Variants in C1QTNF3 observed in about 807,000 individuals in gnomAD.
C1QTNF3 encodes complement C1q tumor necrosis factor-related protein 3.
A neutral mutation model predicts 32.6 loss-of-function variants in C1QTNF3; 26 were observed. That is an observed-to-expected ratio of 0.80 (90% confidence interval 0.58 to 1.11). The LOEUF (loss-of-function observed/expected upper bound fraction) is 1.11, where lower values mean the gene tolerates loss of function less well. Ranked by LOEUF, C1QTNF3 falls within the 50% of genes least tolerant of loss-of-function variation. The probability of loss-of-function intolerance (pLI) is 0.00; values close to 1 mark genes in which losing one functional copy is unlikely to be tolerated. For synonymous variants in C1QTNF3, 155 were observed against 146.0 expected (o/e 1.06, Z -0.44); for missense variants, 362 against 398.2 (o/e 0.91, Z 0.77).
the C1QTNF3 span, among the ~76,000 whole-genome samples, chr5:34,080,554 C>T: frequency 6.6e-6 from 1 of 151,680 alleles, no homozygotes; most frequent in Non-Finnish European, 1.5e-5. Context: ...TTTAACAGGC[C>T]ATCAAGGAGC....
the C1QTNF3 span, among the ~76,000 whole-genome samples, chr5:34,214,019 C>T: frequency 6.7e-6 from 1 of 149,468 alleles, no homozygotes; most frequent in African/African-American, 2.5e-5. Flanking sequence ...CCACGTTGGC[C>T]AGGCTGGTCT....
chr5:34,125,851 T>C, the C1QTNF3 span, among the ~76,000 whole-genome samples: 1 of 152,220 alleles, frequency 6.6e-6, no homozygotes, highest in East Asian at 1.9e-4. Context: ...TTGACTTTAA[T>C]AGTCAATACT....
At chr5:34,075,163 T>G in the C1QTNF3 span, among the ~76,000 whole-genome samples, 2 of 151,772 alleles carry the variant, frequency 1.3e-5, no homozygotes, top group African/African-American at 4.9e-5. Flanking sequence ...AAACAAAAAA[T>G]ACCTTCTCCA....
At chr5:34,098,756 G>A in the C1QTNF3 span, among the ~76,000 whole-genome samples, 2 of 151,876 alleles carry the variant, frequency 1.3e-5, no homozygotes, top group African/African-American at 4.8e-5. Flanking sequence ...TGAGGAGTAT[G>A]TGTTTCACTA....
the C1QTNF3 span, among the ~76,000 whole-genome samples, chr5:34,095,677 T>C: frequency 6.6e-6 from 1 of 151,676 alleles, no homozygotes; most frequent in African/African-American, 2.4e-5. Flanking sequence ...AATCGATACT[T>C]CTTGAATGAC....
At chr5:34,089,605 A>G in the C1QTNF3 span, among the ~76,000 whole-genome samples, 1 of 152,348 alleles carries the variant, frequency 6.6e-6, no homozygotes, top group South Asian at 2.1e-4. Context: ...AACCGTGAGA[A>G]AGAAATTTGT....
At chr5:34,148,095 G>A in the C1QTNF3 span, among the ~76,000 whole-genome samples, 49 of 151,024 alleles carry the variant, frequency 3.2e-4, 1 homozygote, top group East Asian at 5.4e-3. Flanking sequence ...AAGGGGTGAC[G>A]GACGCACCTG....
chr5:34,223,085 T>C, the C1QTNF3 span, among the ~76,000 whole-genome samples: 2 of 151,534 alleles, frequency 1.3e-5, no homozygotes, highest in Non-Finnish European at 2.9e-5. Flanking sequence ...TAGTTACATA[T>C]GTATACATGT....
the C1QTNF3 span, among the ~76,000 whole-genome samples, chr5:34,145,842 G>A: frequency 6.6e-6 from 1 of 151,946 alleles, no homozygotes; most frequent in East Asian, 1.9e-4. Flanking sequence ...ATGCAAAGTT[G>A]TTTCAACCCG....
At chr5:34,096,540 CAAT>C in the C1QTNF3 span, among the ~76,000 whole-genome samples, 3 of 136,054 alleles carry the variant, frequency 2.2e-5, no homozygotes, top group Non-Finnish European at 4.7e-5. Context: ...GCCATAATTA[CAAT>C]AATAATAAAT....
At chr5:34,223,079 T>A in the C1QTNF3 span, among the ~76,000 whole-genome samples, 1 of 151,678 alleles carries the variant, frequency 6.6e-6, no homozygotes, top group Non-Finnish European at 1.5e-5. Context: ...GCAGGTTAGT[T>A]ACATATGTAT....
the C1QTNF3 span, among the ~76,000 whole-genome samples, chr5:34,221,768 T>A: frequency 6.6e-6 from 1 of 152,076 alleles, no homozygotes; most frequent in African/African-American, 2.4e-5. Flanking sequence ...AATGCTTCAG[T>A]TTTGTAGAAA....
At chr5:34,127,222 T>C in the C1QTNF3 span, among the ~76,000 whole-genome samples, 6 of 151,806 alleles carry the variant, frequency 4.0e-5, no homozygotes, top group Non-Finnish European at 7.4e-5. Flanking sequence ...AATGTGGAAG[T>C]GACTTTGGAA....
the C1QTNF3 span, among the ~76,000 whole-genome samples, chr5:34,103,463 G>A: frequency 1.3e-5 from 2 of 150,474 alleles, no homozygotes; most frequent in Admixed American, 1.3e-4. Flanking sequence ...TATCATTTTT[G>A]TTACATATAT....
At chr5:34,075,723 A>G in the C1QTNF3 span, among the ~76,000 whole-genome samples, 1 of 151,580 alleles carries the variant, frequency 6.6e-6, no homozygotes, top group African/African-American at 2.4e-5. Flanking sequence ...ATGAACCACA[A>G]ATTTCACTTC....
the C1QTNF3 span, among the ~76,000 whole-genome samples, chr5:34,144,680 C>T: frequency 6.6e-6 from 1 of 152,114 alleles, no homozygotes; most frequent in African/African-American, 2.4e-5. Flanking sequence ...TCCTGAATAA[C>T]TCTTCAGAGA....
the C1QTNF3 span, among the ~76,000 whole-genome samples, chr5:34,062,886 G>A: frequency 2.0e-5 from 3 of 152,344 alleles, no homozygotes; most frequent in South Asian, 6.2e-4. Context: ...ACTTAGAATA[G>A]TTCTGAACTG....
At chr5:34,102,294 TAA>T in the C1QTNF3 span, among the ~76,000 whole-genome samples, 3 of 152,296 alleles carry the variant, frequency 2.0e-5, no homozygotes, top group South Asian at 2.1e-4. Flanking sequence ...TTTACACACA[TAA>T]GTTTTTTCTT....
chr5:34,155,895 T>A, the C1QTNF3 span, among the ~76,000 whole-genome samples: 1 of 152,142 alleles, frequency 6.6e-6, no homozygotes, highest in Non-Finnish European at 1.5e-5. Context: ...TAAAATACTT[T>A]TAAATATATA....
Sources: allele counts gnomAD v4.1 joint callset (sites outside exome capture counted in the v4.1 genomes callset), GRCh38; gene constraint gnomAD v4.1.1; transcripts MANE v1.5; gene names NCBI Gene and HGNC (gene_info 2026-07-23, HGNC 2026-07-21).